The following RNF220 variants were observed in gnomAD, a reference collection of about 807,000 sequenced individuals.
The protein encoded by RNF220 is ring finger protein 220, also known as E3 ubiquitin-protein ligase RNF220.
Under a neutral mutation model 67.1 loss-of-function variants are expected in RNF220, and 7 were observed. The ratio of observed to expected loss-of-function variants is 0.10; its 90% CI spans 0.06 to 0.20. The LOEUF (loss-of-function observed/expected upper bound fraction) is 0.20. Among genes scored for constraint, RNF220 ranks in the 10% least tolerant of loss-of-function variants. RNF220 has a pLI of 1.00. For missense variants in RNF220, 565 were observed against 740.3 expected, an observed-to-expected ratio of 0.76 and a Z score of 2.75; for synonymous variants, 270 against 283.2, an observed-to-expected ratio of 0.95 and a Z score of 0.47.
At chr1:44,526,176 T>C (rs1660359617) in intron 2 of RNF220, among the ~76,000 whole-genome samples, 1 of 152,238 alleles carries the variant, frequency 6.6e-6, no homozygotes, top group Non-Finnish European at 1.5e-5. Flanking sequence ...CGGCCTGTGA[T>C]GCTCCGGGGA....
rs185768496 is a variant in RNF220 at position 44,616,548 on chromosome 1, A to C, written c.758+2251A>C. ...TGATGAAGATAAGATTCAAACCTAA[A>C]GTAATCTGACTCCAGTACCCATGCT... On this transcript the variant is annotated intron_variant, in intron 3 of 14. Transcript: ENST00000361799. 2.0e-4 allele frequency among the ~76,000 whole-genome samples: 31 copies of C among 152,268 alleles called. No individual in the cohort carries two copies. In the East Asian group the frequency reaches 5.2e-3, roughly 26 times the overall value.
chr1:44,407,744 G>A (rs1647524410), intron 1 of RNF220, among the ~76,000 whole-genome samples: 1 of 152,176 alleles, frequency 6.6e-6, no homozygotes, highest in Non-Finnish European at 1.5e-5. Context: ...GAAGGGCCCG[G>A]CAGCCCCGCG....
chr1:44,535,330 G>A (rs1572803534), intron 2 of RNF220, among the ~76,000 whole-genome samples: 1 of 151,870 alleles, frequency 6.6e-6, no homozygotes, highest in South Asian at 2.1e-4. Flanking sequence ...TAGTAGAAAC[G>A]GGGTTTCACC....
intron 3 of RNF220, among the ~76,000 whole-genome samples, chr1:44,615,504 A>T (rs188363869): frequency 4.9e-4 from 74 of 152,314 alleles, no homozygotes; most frequent in Admixed American, 3.9e-3. Flanking sequence ...ATTCAGTTCA[A>T]GTCATCAGAC....
At chr1:44,641,579 G>C (rs74828386) in intron 8 of RNF220, among the ~76,000 whole-genome samples, 34,556 of 152,220 alleles carry the variant, frequency 0.23, 5,232 homozygotes, top group Middle Eastern at 0.33. Flanking sequence ...AAGCGGGAGG[G>C]GGGGCAAGCT....
At chr1:44,557,960 G>C (rs1328380780) in intron 2 of RNF220, among the ~76,000 whole-genome samples, 4 of 152,174 alleles carry the variant, frequency 2.6e-5, no homozygotes, top group Middle Eastern at 3.2e-3. Context: ...AGAGTGCCAC[G>C]GCTGAGCCCT....
intron 2 of RNF220, among the ~76,000 whole-genome samples, chr1:44,612,105 C>T (rs1199969124): frequency 6.6e-6 from 1 of 152,242 alleles, no homozygotes; most frequent in East Asian, 1.9e-4. Flanking sequence ...GCACAGCCAC[C>T]TGATCAGTAG....
chr1:44,536,687 C>G (rs1272959255), intron 2 of RNF220, among the ~76,000 whole-genome samples: 1 of 152,190 alleles, frequency 6.6e-6, no homozygotes, highest in Non-Finnish European at 1.5e-5. Flanking sequence ...CGAAAAGGCC[C>G]CCCTCTGCTG....
intron 2 of RNF220, among the ~76,000 whole-genome samples, chr1:44,598,492 G>A (rs1271612596): frequency 1.3e-5 from 2 of 152,132 alleles, no homozygotes; most frequent in Non-Finnish European, 2.9e-5. Flanking sequence ...AATCCCACAC[G>A]CCGGTAATTG....
At chr1:44,577,736 C>T (rs1398572731) in intron 2 of RNF220, among the ~76,000 whole-genome samples, 3 of 152,200 alleles carry the variant, frequency 2.0e-5, no homozygotes, top group East Asian at 3.9e-4. Flanking sequence ...GAGGCCGAGG[C>T]GGGTGGATCA....
rs571782259 is a variant in RNF220, at chr1:44,540,915, T to G, written c.626-73250T>G. ...GATATAGCAAGTTGATTTCCTCGTT[T>G]TTTGGGGCAGGGAGTGAACCAAGTA... is the stretch of plus-strand genomic sequence containing the variant. On this transcript the variant is annotated intron_variant, in intron 2 of 14. Transcript: ENST00000361799. Among the ~76,000 whole-genome samples, 7 of 152,212 alleles carry G rather than the reference T, an allele frequency of 4.6e-5. No homozygotes were observed. In the East Asian group the frequency reaches 1.4e-3, roughly 29 times the overall value.
At chr1:44,610,629 C>G (rs1047593079) in intron 2 of RNF220, among the ~76,000 whole-genome samples, 1 of 152,190 alleles carries the variant, frequency 6.6e-6, no homozygotes, top group African/African-American at 2.4e-5. Context: ...GAGGAACACT[C>G]GAGAGGATGC....
chr1:44,547,322 C>G (rs190168538), intron 2 of RNF220, among the ~76,000 whole-genome samples: 2 of 152,360 alleles, frequency 1.3e-5, no homozygotes, highest in African/African-American at 2.4e-5. Flanking sequence ...ATTCTCTCCA[C>G]TGGCTCATTT....
In RNF220 at chr1:44,451,334, A is replaced by G. The variant is rs187841234; in HGVS notation, c.625+38612A>G. 3.3e-3 allele frequency among the ~76,000 whole-genome samples: 498 copies of G among 152,322 alleles called. 4 individuals carry two copies. The highest frequency in any genetic ancestry group is 0.012 in the African/African-American group (482 of 41,572). On this transcript the variant is annotated intron_variant, in intron 2 of 14. Transcript: ENST00000361799. ...TTAATTTTTGCAAATCTAATGAATA[A>G]AAGTATATTGTTCTTTTATAGATTT...
At chr1:44,618,462 G>A (rs1643652949) in intron 3 of RNF220, among the ~76,000 whole-genome samples, 1 of 152,188 alleles carries the variant, frequency 6.6e-6, no homozygotes, top group Non-Finnish European at 1.5e-5. Flanking sequence ...TTTTCCATTT[G>A]AGATCAGAGG....
intron 8 of RNF220, among the ~76,000 whole-genome samples, chr1:44,641,299 T>C (rs1644482891): frequency 6.6e-6 from 1 of 152,194 alleles, no homozygotes; most frequent in African/African-American, 2.4e-5. Context: ...GGCTCAGGCC[T>C]TTATGCCACT....
At chr1:44,585,663 G>C (rs2148355511) in intron 2 of RNF220, among the ~76,000 whole-genome samples, 1 of 152,302 alleles carries the variant, frequency 6.6e-6, no homozygotes, top group South Asian at 2.1e-4. Context: ...ACAAAGCAGA[G>C]ACCACGAGAA....
intron 2 of RNF220, among the ~76,000 whole-genome samples, chr1:44,552,278 G>C (rs1198894694): frequency 6.6e-6 from 1 of 152,074 alleles, no homozygotes; most frequent in Non-Finnish European, 1.5e-5. Flanking sequence ...CAGCACTTTG[G>C]GAGGATTGCT....
At chr1:44,610,281 C>T (rs1335172829) in intron 2 of RNF220, among the ~76,000 whole-genome samples, 1 of 152,230 alleles carries the variant, frequency 6.6e-6, no homozygotes, top group African/African-American at 2.4e-5. Flanking sequence ...CCCATTTCCT[C>T]GTTATCAGTG....
Sources: allele counts gnomAD v4.1 joint callset (sites outside exome capture counted in the v4.1 genomes callset), GRCh38; gene constraint gnomAD v4.1.1; transcripts MANE v1.5; gene names NCBI Gene and HGNC (gene_info 2026-07-23, HGNC 2026-07-21).